Variants in PTPRZ1 observed in about 807,000 individuals in gnomAD.
PTPRZ1 encodes the protein receptor-type tyrosine-protein phosphatase zeta.
In PTPRZ1, 82 loss-of-function variants were observed where a neutral mutation model predicts 214.1. The observed-to-expected ratio is 0.38, with a 90% confidence interval of 0.32 to 0.46. The LOEUF is 0.46. Among genes scored for constraint, PTPRZ1 ranks in the 20% least tolerant of loss-of-function variants. The probability of loss-of-function intolerance (pLI) is 1.00; values close to 1 mark genes in which losing one functional copy is unlikely to be tolerated. For missense variants in PTPRZ1, 2,603 were observed against 2,748.7 expected (o/e 0.95, Z 1.19); for synonymous variants, 945 against 987.9 (o/e 0.96, Z 0.81).
At chr7:121,898,040 A>G (rs528761429) in intron 1 of PTPRZ1, among the ~76,000 whole-genome samples, 106 of 152,296 alleles carry the variant, frequency 7.0e-4, no homozygotes, top group Admixed American at 1.4e-3. Flanking sequence ...TACCAAATGT[A>G]GAATGTACCA....
intron 8 of PTPRZ1, among the ~76,000 whole-genome samples, chr7:121,986,674 G>A (rs930796248): frequency 1.3e-4 from 20 of 152,130 alleles, no homozygotes; most frequent in Admixed American, 1.0e-3. Flanking sequence ...GACTGCCATA[G>A]TAATAATAAT....
At chr7:121,874,238 A>G (rs1420402488) in intron 1 of PTPRZ1, among the ~76,000 whole-genome samples, 1 of 152,120 alleles carries the variant, frequency 6.6e-6, no homozygotes, top group African/African-American at 2.4e-5. Context: ...AGGTTGATAT[A>G]CTTATTCACA....
intron 14 of PTPRZ1, among the ~76,000 whole-genome samples, chr7:122,029,194 A>G (rs1262429270): frequency 1.3e-5 from 2 of 151,974 alleles, no homozygotes; most frequent in Admixed American, 6.6e-5. Context: ...GGTTGCTTGA[A>G]ATAATCTCTC....
chr7:121,896,468 A>T (rs1215242370), intron 1 of PTPRZ1, among the ~76,000 whole-genome samples: 1 of 152,198 alleles, frequency 6.6e-6, no homozygotes, highest in Non-Finnish European at 1.5e-5. Flanking sequence ...GGATGAATGG[A>T]CACAGAAAAT....
intron 2 of PTPRZ1, among the ~76,000 whole-genome samples, chr7:121,932,809 T>A (rs1237765095): frequency 6.6e-6 from 1 of 152,104 alleles, no homozygotes; most frequent in Non-Finnish European, 1.5e-5. Context: ...GGCTACCAGA[T>A]GGGTGGAGAA....
intron 2 of PTPRZ1, among the ~76,000 whole-genome samples, chr7:121,936,287 C>T (rs1177909595): frequency 1.3e-5 from 2 of 152,118 alleles, no homozygotes; most frequent in African/African-American, 4.8e-5. Flanking sequence ...GACTGAGGCA[C>T]AGAATCACAA....
At chr7:122,046,866 G>C (rs1268429676) in intron 23 of PTPRZ1, among the ~76,000 whole-genome samples, 1 of 151,800 alleles carries the variant, frequency 6.6e-6, no homozygotes, top group Non-Finnish European at 1.5e-5. Flanking sequence ...GATCAGCGTA[G>C]AGATGGTTCC....
chr7:121,990,833 T>A (rs1390986820), intron 8 of PTPRZ1, among the ~76,000 whole-genome samples: 1 of 152,126 alleles, frequency 6.6e-6, no homozygotes, highest in South Asian at 2.1e-4. Context: ...AAAAACTGTT[T>A]GTTTGTTTGT....
intron 2 of PTPRZ1, among the ~76,000 whole-genome samples, chr7:121,952,847 T>G (rs1328142332): frequency 6.6e-6 from 1 of 152,182 alleles, no homozygotes; most frequent in Non-Finnish European, 1.5e-5. Context: ...TTTAGCTGAT[T>G]TATAAATTGC....
intron 3 of PTPRZ1, among the ~76,000 whole-genome samples, chr7:121,970,534 G>A (rs536688172): frequency 3.2e-4 from 48 of 152,220 alleles, no homozygotes; most frequent in African/African-American, 1.1e-3. Context: ...GTTTTGATTT[G>A]CATTTCTCTG....
intron 3 of PTPRZ1, 81 bp from the exon 4 acceptor site, chr7:121,972,460 A>T: frequency 7.4e-7 from 1 of 1,342,336 alleles, no homozygotes; most frequent in Non-Finnish European, 1.0e-6. Context: ...TTCTTAATGT[A>T]CCTTAAGTAG....
At chr7:121,905,444 C>T (rs1795086907) in intron 1 of PTPRZ1, among the ~76,000 whole-genome samples, 1 of 152,102 alleles carries the variant, frequency 6.6e-6, no homozygotes, top group African/African-American at 2.4e-5. Context: ...CCCCAGTTTC[C>T]CACTTCAGCT....
At chr7:121,954,196 C>T (rs1262899681) in intron 2 of PTPRZ1, among the ~76,000 whole-genome samples, 4 of 152,192 alleles carry the variant, frequency 2.6e-5, no homozygotes, top group Non-Finnish European at 5.9e-5. Context: ...TCTTCCTTAA[C>T]TCTGTAACCA....
At chr7:121,882,222 A>G (rs1041462441) in intron 1 of PTPRZ1, among the ~76,000 whole-genome samples, 1 of 152,132 alleles carries the variant, frequency 6.6e-6, no homozygotes, top group African/African-American at 2.4e-5. Flanking sequence ...CAGAGAGACT[A>G]TTCTTCTCAT....
intron 11 of PTPRZ1, 81 bp from the exon 12 acceptor site, chr7:122,010,253 A>T (rs1798605427): frequency 7.5e-7 from 1 of 1,336,344 alleles, no homozygotes; most frequent in Admixed American, 2.3e-5. Context: ...ACCACAAGTG[A>T]TGATTGGCAG....
chr7:121,958,916 C>G lies in PTPRZ1; in HGVS notation c.125-9035C>G, dbSNP rs562355055. Reference sequence around the variant, plus strand: ...TCAGCTCACTGCAACCTCCGCCTCCCAGGTTCAAGCCATTCTCCTGCCTCA... The same window carrying G: ...TCAGCTCACTGCAACCTCCGCCTCCGAGGTTCAAGCCATTCTCCTGCCTCA... On this transcript the variant is annotated intron_variant, in intron 2 of 29. Coordinates refer to ENST00000393386, the MANE Select transcript of PTPRZ1 (RefSeq NM_002851.3). Among the ~76,000 whole-genome samples the G allele has an allele frequency of 5.3e-5, 8 of 152,236 alleles. No homozygotes were observed. The South Asian group carries it at 8.3e-4, about 16-fold the overall frequency.
chr7:121,895,839 G>A (rs1584612527), intron 1 of PTPRZ1, among the ~76,000 whole-genome samples: 2 of 152,178 alleles, frequency 1.3e-5, no homozygotes, highest in Non-Finnish European at 2.9e-5. Context: ...GTTTGGCTTA[G>A]CATCTTCCCT....
rs1423235562 is a variant in PTPRZ1, at chr7:122,061,918, G to A, written c.*698G>A. The A allele has an allele frequency of 6.6e-6, 1 of 152,426 alleles. No homozygotes were observed. Among genetic ancestry groups the A allele is most frequent in the Non-Finnish European group, 1.5e-5 (1 of 67,986 alleles). The allele number at this position is 152,426 out of a possible 1,614,324, so 9.4% of individuals were successfully genotyped here. A position where few individuals can be genotyped will look rare whatever the true frequency, so the allele number is the denominator to read the frequency against. Reference sequence around the variant, plus strand: ...TTCAGCATGTAATTTTAACTTTTGTGGAAAATAGAAATACCTTCATTTTGA... The same window carrying A: ...TTCAGCATGTAATTTTAACTTTTGTAGAAAATAGAAATACCTTCATTTTGA... On this transcript the variant is annotated 3_prime_UTR_variant, in exon 30 of 30. Coordinates refer to ENST00000393386, the MANE Select transcript of PTPRZ1 (RefSeq NM_002851.3).
chr7:121,992,662 C>T (rs1271463204), intron 8 of PTPRZ1, among the ~76,000 whole-genome samples: 1 of 152,142 alleles, frequency 6.6e-6, no homozygotes, highest in East Asian at 1.9e-4. Context: ...TAAAACCACT[C>T]GTTACATCTG....
Sources: allele counts gnomAD v4.1 joint callset (sites outside exome capture counted in the v4.1 genomes callset), GRCh38; gene constraint gnomAD v4.1.1; transcripts MANE v1.5; gene names NCBI Gene and HGNC (gene_info 2026-07-23, HGNC 2026-07-21).